Variants in MACF1 observed in about 807,000 individuals in gnomAD.
MACF1 encodes the protein microtubule-actin cross-linking factor 1.
Under a neutral mutation model 854.8 loss-of-function variants are expected in MACF1, and 193 were observed. That is an observed-to-expected ratio of 0.23 (90% CI 0.20 to 0.25). The LOEUF is 0.25. Among genes scored for constraint, MACF1 ranks in the 10% least tolerant of loss-of-function variants. The pLI is 1.00. For synonymous variants in MACF1, 3,185 were observed against 3,226.7 expected (o/e 0.99, Z 0.44); for missense variants, 7,722 against 8,929.1 (o/e 0.86, Z 5.45).
chr1:39,368,404 G>T, intron 50 of MACF1, 90 bp downstream of exon 50: 1 of 1,326,266 alleles, frequency 7.5e-7, no homozygotes, highest in Non-Finnish European at 1.0e-6. Context: ...TCCTTTACCA[G>T]AACAGATGGC....
At chr1:39,187,336 A>C (rs971588224) in intron 2 of MACF1, among the ~76,000 whole-genome samples, 1 of 152,158 alleles carries the variant, frequency 6.6e-6, no homozygotes, top group Non-Finnish European at 1.5e-5. Context: ...ATGTTGAAAC[A>C]TATCAAATAA....
chr1:39,382,059 G>T lies in MACF1; in HGVS notation c.13755G>T (p.Arg4585=). The T allele has an allele frequency of 6.2e-7, 1 of 1,614,148 alleles. No homozygotes were observed. Among genetic ancestry groups the T allele is most frequent in the Admixed American group, 1.7e-5 (1 of 60,018 alleles). The change falls in exon 56 of 101, where the codon CGG becomes CGT. Residue 4585 remains arginine (R), a synonymous_variant. Coordinates refer to ENST00000564288, the MANE Select transcript of MACF1 (RefSeq NM_001394062.1). ...ACFQAAESQL[R]PWLMEKELMM... ...TCCAGGCTGCAGAATCCCAGCTCCG[G>T]CCGTGGCTGATGGAGAAAGAACTGA...
rs1195352027 is a variant in MACF1, at chr1:39,451,231, T to G, written c.20418+20T>G. 1 of 1,608,656 alleles carries G rather than the reference T, an allele frequency of 6.2e-7. No homozygotes were observed. The highest frequency in any genetic ancestry group is 1.7e-5 in the Admixed American group (1 of 59,292). On this transcript the variant is annotated intron_variant, in intron 85 of 100. Coordinates refer to ENST00000564288, the MANE Select transcript of MACF1 (RefSeq NM_001394062.1). ...CACAAGGTAGGGGTGAGGTCTGGGCTACATTGGAGTGCAGTGGGTCTTCTG... is the reference window on the plus strand; with the variant it reads ...CACAAGGTAGGGGTGAGGTCTGGGCGACATTGGAGTGCAGTGGGTCTTCTG...
At chr1:39,288,236 C>T (rs563588198) in intron 15 of MACF1, among the ~76,000 whole-genome samples, 7 of 152,234 alleles carry the variant, frequency 4.6e-5, no homozygotes, top group Middle Eastern at 3.4e-3. Flanking sequence ...CAGTGGCTCA[C>T]GCCTGTATTC....
At chr1:39,411,447 T>C in intron 58 of MACF1, 1 of 1,613,932 alleles carries the variant, frequency 6.2e-7, no homozygotes, top group Non-Finnish European at 8.5e-7. Flanking sequence ...TTGGTCAGAT[T>C]TGTTGCCCTG....
chr1:39,346,596 C>T (rs140760711), intron 40 of MACF1, among the ~76,000 whole-genome samples: 4,291 of 150,514 alleles, frequency 0.029, 86 homozygotes, highest in Non-Finnish European at 0.04. Context: ...CTCGGCTCAC[C>T]GCAACCTCTG....
chr1:39,424,558 T>A (rs1643662211), intron 61 of MACF1, among the ~76,000 whole-genome samples: 1 of 152,220 alleles, frequency 6.6e-6, no homozygotes, highest in South Asian at 2.1e-4. Context: ...CTTTTGATAC[T>A]TGGAATTGAA....
Position 39,387,881 on chromosome 1 carries a change from G to C in MACF1, c.15039G>C (p.Arg5013Ser). 1 of 1,613,960 alleles carries C rather than the reference G, an allele frequency of 6.2e-7. No homozygotes were observed. Among genetic ancestry groups the C allele is most frequent in the Admixed American group, 1.7e-5 (1 of 59,994 alleles). ...TCGAAGAAATGACTCAGAGGCTCAG[G>C]GAGTTCCAGGAAAGCTTTAAGAATA... ...GSLEEMTQRL[R>S]EFQESFKNIE... The change falls in exon 58 of 101, where the codon AGG (arginine) becomes AGC (serine). Residue 5013 changes from arginine (R) to serine (S), a missense_variant. Physicochemically the swap from Arg to Ser is moderately radical, Grantham distance 110 (BLOSUM62 -1). Coordinates refer to ENST00000564288, the MANE Select transcript of MACF1 (RefSeq NM_001394062.1).
In MACF1 at chr1:39,301,732, G is replaced by T. The variant is rs572140239; in HGVS notation, c.2635-1192G>T. ...AAGCCACTGCGCCCAGCGTTTGTTT[G>T]TTTTTTTTTTCCTTTAAATAACAAT... is the stretch of plus-strand genomic sequence containing the variant. On this transcript the variant is annotated intron_variant, in intron 22 of 100. Transcript: ENST00000564288. 6.2e-3 allele frequency among the ~76,000 whole-genome samples: 914 copies of T among 148,472 alleles called. 2 individuals carry two copies. The highest frequency in any genetic ancestry group is 9.5e-3 in the Non-Finnish European group (634 of 66,852).
intron 93 of MACF1, among the ~76,000 whole-genome samples, chr1:39,463,253 G>A (rs1330764025): frequency 6.6e-6 from 1 of 152,184 alleles, no homozygotes; most frequent in Non-Finnish European, 1.5e-5. Context: ...TTGGGAGGCT[G>A]AGGCAGGCGG....
Position 39,427,578 on chromosome 1 carries a change from G to A in MACF1, c.16440G>A (p.Gln5480=). Reference sequence around the variant, plus strand: ...CTAACTCAGAACCTGTTGGCACTCAGACTGCCAAAATACAGCAGCAGATCA... The same window carrying A: ...CTAACTCAGAACCTGTTGGCACTCAAACTGCCAAAATACAGCAGCAGATCA... ...KLANSEPVGT[Q]TAKIQQQIIR... Residue 5480 remains glutamine, a synonymous_variant, in exon 62 of 101, where the codon CAG becomes CAA. Coordinates refer to ENST00000564288, the MANE Select transcript of MACF1 (RefSeq NM_001394062.1). The A allele has an allele frequency of 6.2e-7, 1 of 1,614,128 alleles. No individual in the cohort carries two copies. The highest frequency in any genetic ancestry group is 8.5e-7 in the Non-Finnish European group (1 of 1,180,004).
rs770147509 is a variant in MACF1, at chr1:39,310,357, G to A, written c.3029G>A (p.Arg1010His). ...RDSVLFSVAD[R>H]LRLEEEVEAC... The stretch of plus-strand genomic sequence containing the variant: ...TCTGTGCTGTTCTCAGTGGCTGATC[G>A]CTTGCGCTTGGAAGAGGAGGTGGAA... The change falls in exon 25 of 101, where the codon CGC (arginine) becomes CAC (histidine). Residue 1010 changes from arginine to histidine, a missense_variant. By Grantham distance (29) the Arg-to-His change is conservative. This residue lies in a region of MACF1 where 1,137 missense variants were observed against 1,263.0 expected (regional missense o/e 0.90). Coordinates refer to ENST00000564288, the MANE Select transcript of MACF1 (RefSeq NM_001394062.1). The A allele has an allele frequency of 4.3e-6, 7 of 1,614,090 alleles. No homozygotes were observed. The highest frequency in any genetic ancestry group is 2.2e-5 in the South Asian group (2 of 91,068).
In MACF1 at chr1:39,295,888, A is replaced by G; in HGVS notation, c.2355+6A>G. 1 of 1,612,624 alleles carries G rather than the reference A, an allele frequency of 6.2e-7. No homozygotes were observed. Among genetic ancestry groups the G allele is most frequent in the Non-Finnish European group, 8.5e-7 (1 of 1,179,030 alleles). ...AGAATACTGCTTATTTTCAGGTGTG[A>G]TGGATTTCTGTGTTTGTGTGTGTGT... On this transcript the variant is annotated splice_donor_region_variant and intron_variant, in intron 20 of 100. Transcript: ENST00000564288.
chr1:39,468,019 A>T (rs1379573040), intron 95 of MACF1: 1 of 152,190 alleles, frequency 6.6e-6, no homozygotes, highest in African/African-American at 2.4e-5. Context: ...AAGTGACCTA[A>T]CACTTTGTCT....
rs1331737820 is a variant in MACF1 at position 39,454,843 on chromosome 1, AG to A, written c.20887-63del. The A allele has an allele frequency of 5.9e-6, 8 of 1,359,036 alleles. No homozygotes were observed. In the East Asian group the frequency reaches 1.9e-4, roughly 32 times the overall value. 84.2% of individuals were successfully genotyped at this position (1,359,036 alleles called of 1,614,324 possible). A position where few individuals can be genotyped will look rare whatever the true frequency, so the allele number is the denominator to read the frequency against. ...AGCCATTATGAAAATCAGATGAAAA[AG>A]GGCTTTGGAAACAAAGGGGGTATGC... On this transcript the variant is annotated intron_variant, in intron 88 of 100. Transcript: ENST00000564288.
intron 47 of MACF1, among the ~76,000 whole-genome samples, chr1:39,359,547 A>G (rs1385405682): frequency 6.6e-6 from 1 of 152,156 alleles, no homozygotes; most frequent in Non-Finnish European, 1.5e-5. Context: ...CTTACATTGT[A>G]TTACCCCTGA....
chr1:39,249,772 A>C, intron 2 of MACF1: 8 of 322,714 alleles, frequency 2.5e-5, no homozygotes, highest in Non-Finnish European at 4.6e-5. Context: ...ACGTTGTTGC[A>C]TGTTGGTTAG....
intron 2 of MACF1, among the ~76,000 whole-genome samples, chr1:39,171,252 G>A (rs575133750): frequency 2.1e-4 from 31 of 145,448 alleles, no homozygotes; most frequent in African/African-American, 7.5e-4. Flanking sequence ...TTTTTCTCCC[G>A]ATCCAGTTTT....
chr1:39,186,405 T>G (rs1393123958), intron 2 of MACF1, among the ~76,000 whole-genome samples: 1 of 151,612 alleles, frequency 6.6e-6, no homozygotes, highest in African/African-American at 2.4e-5. Flanking sequence ...TAGCTGGGAT[T>G]ACAGGCACGC....
Sources: allele counts gnomAD v4.1 joint callset (sites outside exome capture counted in the v4.1 genomes callset), GRCh38; gene constraint gnomAD v4.1.1; regional missense constraint gnomAD v4.1.1; transcripts MANE v1.5; gene names NCBI Gene and HGNC (gene_info 2026-07-23, HGNC 2026-07-21).